The following PCDHGB7 variants were observed in gnomAD, a reference collection of about 807,000 sequenced individuals.
PCDHGB7 encodes the protein protocadherin gamma subfamily B, 7.
Under a neutral mutation model 61.4 loss-of-function variants are expected in PCDHGB7, and 37 were observed. The ratio of observed to expected loss-of-function variants is 0.60; its 90% CI spans 0.46 to 0.79. PCDHGB7 has a LOEUF of 0.79. Ranked by LOEUF, PCDHGB7 falls within the 30% of genes least tolerant of loss-of-function variation. PCDHGB7 has a pLI of 0.00. For synonymous variants in PCDHGB7, 464 were observed against 503.5 expected, an observed-to-expected ratio of 0.92 and a Z score of 1.05; for missense variants, 1,166 against 1,202.5, an observed-to-expected ratio of 0.97 and a Z score of 0.45.
intron 1 of PCDHGB7, chr5:141,423,072 G>A: frequency 1.2e-6 from 2 of 1,614,120 alleles, no homozygotes; most frequent in Non-Finnish European, 1.7e-6. Flanking sequence ...CCAGCGAGCC[G>A]GGACTCTTCG....
rs773126086 is a variant in PCDHGB7 at position 141,487,392 on chromosome 5, G to C, written c.2416-7415G>C. The C allele has an allele frequency of 6.2e-7, 1 of 1,614,176 alleles. No homozygotes were observed. Among genetic ancestry groups the C allele is most frequent in the Non-Finnish European group, 8.5e-7 (1 of 1,180,024 alleles). ...GCCTGTCTCACCAGATCTCGAAGGA[G>C]GGAGGGGCTTCCCCCTTCCAATGGG... On this transcript the variant is annotated intron_variant, in intron 1 of 3. Coordinates refer to ENST00000398594, the MANE Select transcript of PCDHGB7 (RefSeq NM_018927.4). This position sits in a 1 kb window ranked among gnomAD's most constrained non-coding sequence, Gnocchi z 5.0.
rs547284271 is a variant in PCDHGB7 at position 141,489,064 on chromosome 5, C to G, written c.2416-5743C>G. On this transcript the variant is annotated intron_variant, in intron 1 of 3. Coordinates refer to ENST00000398594, the MANE Select transcript of PCDHGB7 (RefSeq NM_018927.4). This position sits in a 1 kb window ranked among gnomAD's most constrained non-coding sequence, Gnocchi z 4.5. ...TCCACTCAAATTCAGCTCCCCTCCC[C>G]CCTGCCCACCCCCGCCACTCGGTGA... 1.9e-4 allele frequency: 74 copies of G among 387,742 alleles called. No homozygotes were observed. The highest frequency in any genetic ancestry group is 1.5e-3 in the African/African-American group (70 of 47,296). The allele number at this position is 387,742 out of a possible 1,614,324, so 24.0% of individuals were successfully genotyped here. A position where few individuals can be genotyped will look rare whatever the true frequency, so the allele number is the denominator to read the frequency against.
chr5:141,503,268 C>A (rs1038268807), intron 2 of PCDHGB7, among the ~76,000 whole-genome samples: 6 of 152,068 alleles, frequency 3.9e-5, no homozygotes, highest in African/African-American at 7.2e-5. Context: ...AACCCCAGCA[C>A]CTGGCTCTGT....
chr5:141,498,565 G>C (rs2099784348), intron 2 of PCDHGB7, among the ~76,000 whole-genome samples: 1 of 152,044 alleles, frequency 6.6e-6, no homozygotes. Context: ...CTTCAAAGCA[G>C]GGCTAGTATT....
chr5:141,478,376 C>T, intron 1 of PCDHGB7: 4 of 1,613,672 alleles, frequency 2.5e-6, no homozygotes, highest in Non-Finnish European at 3.4e-6. Flanking sequence ...CCTGATGTCG[C>T]CGCACCTTTA....
intron 1 of PCDHGB7, among the ~76,000 whole-genome samples, chr5:141,424,839 A>G (rs1264853498): frequency 6.6e-6 from 1 of 152,198 alleles, no homozygotes; most frequent in Non-Finnish European, 1.5e-5. Context: ...CATACATGTT[A>G]TCTGAAGCAA....
chr5:141,505,405 C>T lies in PCDHGB7; in HGVS notation c.2487C>T (p.Gly829=), dbSNP rs745516568. 2.5e-6 allele frequency: 4 copies of T among 1,614,130 alleles called. No individual in the cohort carries two copies. The highest frequency in any genetic ancestry group is 3.3e-4 in the Middle Eastern group (2 of 6,062). ...QRPGTSGSQN[G]DDTGTWPNNQ... ...ACTCTCTCCCCAGCTCCCAAAATGG[C>T]GATGACACCGGCACCTGGCCCAACA... Residue 829 remains glycine (G), a synonymous_variant, in exon 3 of 4, where the codon GGC becomes GGT. Transcript: ENST00000398594.
At chr5:141,437,460 T>C (rs2097886220) in intron 1 of PCDHGB7, among the ~76,000 whole-genome samples, 1 of 152,230 alleles carries the variant, frequency 6.6e-6, no homozygotes, top group South Asian at 2.1e-4. Flanking sequence ...GAGACTATAC[T>C]ATACTTTTAT....
intron 1 of PCDHGB7, among the ~76,000 whole-genome samples, chr5:141,437,919 G>A (rs2097917914): frequency 1.3e-5 from 2 of 152,078 alleles, no homozygotes; most frequent in Admixed American, 1.3e-4. Context: ...TGTATTTTTA[G>A]TAGAGATGGG....
intron 1 of PCDHGB7, chr5:141,442,507 G>C (rs1394231840): frequency 1.3e-5 from 2 of 152,208 alleles, no homozygotes; most frequent in Non-Finnish European, 1.5e-5. Flanking sequence ...TATTCTAATT[G>C]CTTGGGCAGA....
Position 141,485,261 on chromosome 5 carries a change from C to G in PCDHGB7, c.2416-9546C>G, listed in dbSNP as rs759268725. 1 of 1,614,076 alleles carries G rather than the reference C, an allele frequency of 6.2e-7. No homozygotes were observed. The highest frequency in any genetic ancestry group is 8.5e-7 in the Non-Finnish European group (1 of 1,179,904). On this transcript the variant is annotated intron_variant, in intron 1 of 3. Transcript: ENST00000398594. This position sits in a 1 kb window ranked among gnomAD's most constrained non-coding sequence, Gnocchi z 5.7. The stretch of plus-strand genomic sequence containing the variant: ...TTACCACCTGGGTTACGTTTGTGGG[C>G]AGATCCGCTACCCGGTCCCAGAGGA...
chr5:141,428,121 G>T (rs764584436), intron 1 of PCDHGB7: 1 of 1,605,860 alleles, frequency 6.2e-7, no homozygotes. Context: ...CATCGAGCCC[G>T]GGCTTTTCAG....
At chr5:141,435,376 A>G (rs1358757887) in intron 1 of PCDHGB7, among the ~76,000 whole-genome samples, 1 of 152,200 alleles carries the variant, frequency 6.6e-6, no homozygotes, top group Non-Finnish European at 1.5e-5. Flanking sequence ...TAAATATACA[A>G]TATACCGTAT....
chr5:141,485,416 C>T lies in PCDHGB7; in HGVS notation c.2416-9391C>T, dbSNP rs1311879785. On this transcript the variant is annotated intron_variant, in intron 1 of 3. Coordinates refer to ENST00000398594, the MANE Select transcript of PCDHGB7 (RefSeq NM_018927.4). This position sits in a 1 kb window ranked among gnomAD's most constrained non-coding sequence, Gnocchi z 5.7. Reference sequence around the variant, plus strand: ...GACACTTCCGTGTGGATTTGGACAGCGGAGCCCTGCTCATCAAGAACCCAA... The same window carrying T: ...GACACTTCCGTGTGGATTTGGACAGTGGAGCCCTGCTCATCAAGAACCCAA... 10 of 1,613,988 alleles carry T rather than the reference C, an allele frequency of 6.2e-6. No individual in the cohort carries two copies. Among genetic ancestry groups the T allele is most frequent in the South Asian group, 4.4e-5 (4 of 91,086 alleles).
At chr5:141,483,706 C>T (rs1187078630) in intron 1 of PCDHGB7, among the ~76,000 whole-genome samples, 1 of 151,926 alleles carries the variant, frequency 6.6e-6, no homozygotes, top group African/African-American at 2.4e-5. Context: ...CTTTTTGACA[C>T]CAGAATATTG....
At chr5:141,510,900 G>A in intron 3 of PCDHGB7, 47 bp from the exon 4 acceptor site, 6 of 1,613,378 alleles carry the variant, frequency 3.7e-6, no homozygotes, top group Non-Finnish European at 5.1e-6. Context: ...AGTGACTGTT[G>A]AGGACCCTAA....
rs200512171 is a variant in PCDHGB7, at chr5:141,418,143, T to C, written c.284T>C (p.Ile95Thr). ...LVKDRIDREQ[I>T]CKERRRCELQ... ...AAGGACCGAATAGACCGTGAGCAAA[T>C]ATGCAAAGAGAGAAGAAGATGTGAG... Residue 95 changes from isoleucine to threonine, a missense_variant, in exon 1 of 4, where the codon ATA becomes ACA. Physicochemically the swap from Ile to Thr is moderately conservative, Grantham distance 89. Transcript: ENST00000398594. 2.6e-4 allele frequency: 419 copies of C among 1,613,982 alleles called. 1 individual carries two copies. In the African/African-American group the frequency reaches 5.2e-3, roughly 20 times the overall value.
Position 141,432,757 on chromosome 5 carries a change from C to T in PCDHGB7, c.2415+12483C>T. On this transcript the variant is annotated intron_variant, in intron 1 of 3. Coordinates refer to ENST00000398594, the MANE Select transcript of PCDHGB7 (RefSeq NM_018927.4). This position sits in a 1 kb window ranked among gnomAD's most constrained non-coding sequence, Gnocchi z 6.0. ...TCACGCTCACCGTGGCCGTGGCCGA[C>T]AGCATCCCCCAAGTCCTGGCGGACC... is the stretch of plus-strand genomic sequence containing the variant. 1.2e-6 allele frequency: 2 copies of T among 1,614,150 alleles called. No individual in the cohort carries two copies. Among genetic ancestry groups the T allele is most frequent in the African/African-American group, 1.3e-5 (1 of 75,076 alleles).
chr5:141,465,030 C>T (rs922114985), intron 1 of PCDHGB7, among the ~76,000 whole-genome samples: 2 of 152,086 alleles, frequency 1.3e-5, no homozygotes, highest in Non-Finnish European at 1.5e-5. Context: ...CCATGAACCA[C>T]CACAAATGAC....
Sources: gnomAD v4.1 joint callset for allele counts (sites outside exome capture counted in the v4.1 genomes callset) on GRCh38, gnomAD v4.1.1 for gene constraint, Gnocchi (gnomAD v3.1) non-coding constraint, MANE v1.5 for transcripts, NCBI Gene and HGNC (gene_info 2026-07-23, HGNC 2026-07-21) for gene names.